Variants in PAPSS2 observed in about 807,000 individuals in gnomAD.
PAPSS2 encodes 3'-phosphoadenosine 5'-phosphosulfate synthase 2.
Under a neutral mutation model 66.5 loss-of-function variants are expected in PAPSS2, and 61 were observed. The ratio of observed to expected loss-of-function variants is 0.92; its 90% confidence interval spans 0.75 to 1.14. The LOEUF (loss-of-function observed/expected upper bound fraction) is 1.14, where lower values mean the gene tolerates loss of function less well. Among genes scored for constraint, PAPSS2 ranks in the 50% most tolerant of loss-of-function variants. The probability of loss-of-function intolerance (pLI) is 0.00; values close to 1 mark genes in which losing one functional copy is unlikely to be tolerated. For synonymous variants in PAPSS2, 289 were observed against 287.5 expected (o/e 1.01, Z -0.05); for missense variants, 708 against 789.6 (o/e 0.90, Z 1.24).
At position 87,709,175 on chromosome 10, in the gene PAPSS2, T is replaced by C. The variant is rs766620999; in HGVS notation, c.28-21T>C. ...GTGTTTTATTAATTAATACTGTGCT[T>C]GGTTTTGTCTTATTTTATAGGAGAA... On this transcript the variant is annotated intron_variant, in intron 1 of 12. Coordinates refer to ENST00000456849, the MANE Select transcript of PAPSS2 (RefSeq NM_001015880.2). 8.1e-6 allele frequency: 12 copies of C among 1,480,554 alleles called. No individual in the cohort carries two copies. The Admixed American group carries it at 2.0e-4, about 25-fold the overall frequency. The allele number at this position is 1,480,554 out of a possible 1,614,324, so 91.7% of individuals were successfully genotyped here.
rs1853937313 is a variant in PAPSS2, at chr10:87,746,142, TAC to T, written c.*174_*175del. 2 of 501,736 alleles carry T rather than the reference TAC, an allele frequency of 4.0e-6. No homozygotes were observed. Among genetic ancestry groups the T allele is most frequent in the Non-Finnish European group, 3.4e-6 (1 of 294,572 alleles). 31.1% of individuals were successfully genotyped at this position (501,736 alleles called of 1,614,324 possible). On this transcript the variant is annotated 3_prime_UTR_variant, in exon 13 of 13. Coordinates refer to ENST00000456849, the MANE Select transcript of PAPSS2 (RefSeq NM_001015880.2). ...ATATATATATATACACACACACATA[TAC>T]ATACAAAGTCAAACTGAAGACCAAA...
At position 87,746,011 on chromosome 10, in the gene PAPSS2, T is replaced by C; in HGVS notation, c.*41T>C. The C allele has an allele frequency of 6.3e-7, 1 of 1,590,708 alleles. No homozygotes were observed. Among genetic ancestry groups the C allele is most frequent in the Non-Finnish European group, 8.6e-7 (1 of 1,159,072 alleles). On this transcript the variant is annotated 3_prime_UTR_variant, in exon 13 of 13. Transcript: ENST00000456849. ...GTTTCTTTCTGAAGTGCTCTTTGAT[T>C]ACCTTTTCTATTTTTATGATTAGAT... is the stretch of plus-strand genomic sequence containing the variant.
At position 87,741,372 on chromosome 10, in the gene PAPSS2, T is replaced by C. The variant is rs750907953; in HGVS notation, c.1222+2T>C. ...AGAAATGTAAAGAAATGAATGCTGG[T>C]ATGTAAACTGTTCTTAGTGCATTTT... On this transcript the variant is annotated splice_donor_variant, in intron 10 of 12. Transcript: ENST00000456849. LOFTEE classifies it high-confidence loss of function. The C allele has an allele frequency of 5.6e-6, 9 of 1,610,218 alleles. No individual in the cohort carries two copies. The highest frequency in any genetic ancestry group is 7.6e-6 in the Non-Finnish European group (9 of 1,176,472).
Position 87,727,422 on chromosome 10 carries a change from A to G in PAPSS2, c.1019A>G (p.Glu340Gly). The stretch of plus-strand genomic sequence containing the variant: ...ATCTTACGAGACGCTGAATTCTATG[A>G]ACACAGAAAAGAGGAACGCTGTTCC... ...VAILRDAEFY[E>G]HRKEERCSRV... Residue 340 changes from glutamate (E) to glycine (G), a missense_variant, in exon 9 of 13, where the codon GAA (glutamate) becomes GGA (glycine). Physicochemically the swap from Glu to Gly is moderately conservative, Grantham distance 98. Coordinates refer to ENST00000456849, the MANE Select transcript of PAPSS2 (RefSeq NM_001015880.2). The G allele has an allele frequency of 6.2e-7, 1 of 1,614,140 alleles. No homozygotes were observed. Among genetic ancestry groups the G allele is most frequent in the Non-Finnish European group, 8.5e-7 (1 of 1,179,986 alleles).
chr10:87,741,690 C>T (rs930856321), intron 10 of PAPSS2, among the ~76,000 whole-genome samples: 8 of 151,664 alleles, frequency 5.3e-5, no homozygotes, highest in South Asian at 4.2e-4. Context: ...CCACTGCACC[C>T]GGCCCCTAGT....
chr10:87,699,617 T>A (rs1298895093), intron 1 of PAPSS2, among the ~76,000 whole-genome samples: 2 of 152,124 alleles, frequency 1.3e-5, no homozygotes, highest in Non-Finnish European at 2.9e-5. Flanking sequence ...TTTGGGAGGC[T>A]GAGGCGGGCC....
chr10:87,741,209 A>T (rs752941500), intron 9 of PAPSS2, 26 bp from the exon 10 acceptor site: 1 of 1,611,450 alleles, frequency 6.2e-7, no homozygotes, highest in Non-Finnish European at 8.5e-7. Context: ...ATTAATCATT[A>T]GCAATCATAA....
chr10:87,692,107 T>C (rs1853178777), intron 1 of PAPSS2, among the ~76,000 whole-genome samples: 3 of 151,766 alleles, frequency 2.0e-5, no homozygotes, highest in Admixed American at 6.6e-5. Context: ...CAAGACTTGA[T>C]AGATTAATTT....
chr10:87,745,300 C>T (rs1307059386), intron 12 of PAPSS2, 69 bp downstream of exon 12: 2 of 1,342,250 alleles, frequency 1.5e-6, no homozygotes, highest in African/African-American at 2.9e-5. Context: ...GAATTTGGGC[C>T]CTTTGAAAAA....
chr10:87,681,086 G>A (rs940154895), intron 1 of PAPSS2, among the ~76,000 whole-genome samples: 1 of 152,186 alleles, frequency 6.6e-6, no homozygotes, highest in Non-Finnish European at 1.5e-5. Flanking sequence ...AGGGAAGCGG[G>A]TGTTGCTGCT....
intron 1 of PAPSS2, among the ~76,000 whole-genome samples, chr10:87,669,324 T>C (rs1459787055): frequency 6.6e-6 from 1 of 152,200 alleles, no homozygotes; most frequent in Non-Finnish European, 1.5e-5. Flanking sequence ...TCCATTTCCA[T>C]TGCTTCCTCA....
rs768195344 is a variant in PAPSS2, at chr10:87,741,249, T to C, written c.1101T>C (p.Ser367=). The C allele has an allele frequency of 6.2e-6, 10 of 1,613,754 alleles. No homozygotes were observed. The Admixed American group carries it at 1.7e-4, about 27-fold the overall frequency. ...GTTCTTTCTAGATGGTGATGGAAAGTGGGGACTGGCTGGTTGGTGGAGACC... is the reference window on the plus strand; with the variant it reads ...GTTCTTTCTAGATGGTGATGGAAAGCGGGGACTGGCTGGTTGGTGGAGACC... ...KHPHIKMVME[S]GDWLVGGDLQ... The change falls in exon 10 of 13, where the codon AGT becomes AGC. Residue 367 remains serine (S), a synonymous_variant. Coordinates refer to ENST00000456849, the MANE Select transcript of PAPSS2 (RefSeq NM_001015880.2).
chr10:87,696,302 C>A (rs902975731), intron 1 of PAPSS2, among the ~76,000 whole-genome samples: 25 of 152,124 alleles, frequency 1.6e-4, no homozygotes, highest in African/African-American at 5.8e-4. Flanking sequence ...AGTTTCAAAC[C>A]TCCTTCTTTC....
intron 1 of PAPSS2, among the ~76,000 whole-genome samples, chr10:87,668,657 AAT>A (rs1491384228): frequency 2.7e-5 from 3 of 110,792 alleles, no homozygotes; most frequent in Non-Finnish European, 5.3e-5. Flanking sequence ...CTACTTTAAA[AAT>A]GTGTGTGTGT....
At chr10:87,671,052 G>A (rs1369799381) in intron 1 of PAPSS2, among the ~76,000 whole-genome samples, 1 of 152,162 alleles carries the variant, frequency 6.6e-6, no homozygotes, top group African/African-American at 2.4e-5. Context: ...AATAACCTAT[G>A]AAGTAGTTCT....
intron 8 of PAPSS2, among the ~76,000 whole-genome samples, chr10:87,723,533 C>T (rs1853622139): frequency 6.6e-6 from 1 of 152,156 alleles, no homozygotes; most frequent in African/African-American, 2.4e-5. Flanking sequence ...GCTCTAATTG[C>T]CCGAGAACGT....
chr10:87,745,804 T>G (rs1853929909), intron 12 of PAPSS2, 28 bp from the exon 13 acceptor site: 1 of 1,613,434 alleles, frequency 6.2e-7, no homozygotes, highest in East Asian at 2.2e-5. Flanking sequence ...TTACCTACAC[T>G]GAGTTCTTTG....
At position 87,727,393 on chromosome 10, in the gene PAPSS2, A is replaced by G. The variant is rs148202527; in HGVS notation, c.990A>G (p.Val330=). ...TCCTGGCACATGGTGGACGGAGGGTAGCTATCTTACGAGACGCTGAATTCT... is the reference window on the plus strand; with the variant it reads ...TCCTGGCACATGGTGGACGGAGGGTGGCTATCTTACGAGACGCTGAATTCT... The part of the protein sequence containing the change: ...KFVLAHGGRR[V]AILRDAEFYE... Residue 330 remains valine (V), a synonymous_variant, in exon 9 of 13, where the codon GTA becomes GTG. Transcript: ENST00000456849. 8 of 1,613,974 alleles carry G rather than the reference A, an allele frequency of 5.0e-6. No individual in the cohort carries two copies. In the African/African-American group the frequency reaches 9.3e-5, roughly 19 times the overall value.
chr10:87,701,598 A>T (rs888235274), intron 1 of PAPSS2, among the ~76,000 whole-genome samples: 6 of 151,316 alleles, frequency 4.0e-5, no homozygotes, highest in African/African-American at 1.2e-4. Flanking sequence ...TAATTTTTAA[A>T]TTTTTTTCTA....
Sources: allele counts gnomAD v4.1 joint callset (sites outside exome capture counted in the v4.1 genomes callset), GRCh38; gene constraint gnomAD v4.1.1; transcripts MANE v1.5; gene names NCBI Gene and HGNC (gene_info 2026-07-23, HGNC 2026-07-21).